PITX3: variants seen among roughly 807,000 people sequenced by gnomAD.
PITX3 encodes paired like homeodomain 3, also known as pituitary homeobox 3.
A neutral mutation model predicts 14.2 loss-of-function variants in PITX3; 4 were observed. That is an observed-to-expected ratio of 0.28 (90% CI 0.14 to 0.65). The LOEUF (loss-of-function observed/expected upper bound fraction) is 0.65. Ranked by LOEUF, PITX3 falls within the 30% of genes least tolerant of loss-of-function variation. The pLI is 0.82. For missense variants in PITX3, 358 were observed against 426.8 expected (o/e 0.84, Z 1.42); for synonymous variants, 194 against 204.5 (o/e 0.95, Z 0.44).
chr10:102,235,290 G>T (rs2070364439), intron 1 of PITX3, among the ~76,000 whole-genome samples: 2 of 151,872 alleles, frequency 1.3e-5, no homozygotes, highest in South Asian at 4.2e-4. Flanking sequence ...TTCTGCACTG[G>T]ATGCTGCTGA....
At chr10:102,236,586 C>T (rs940888519) in intron 1 of PITX3, among the ~76,000 whole-genome samples, 4 of 152,142 alleles carry the variant, frequency 2.6e-5, no homozygotes, top group African/African-American at 9.7e-5. Context: ...ATGAAATATC[C>T]AGGACATATG....
chr10:102,233,899 T>C (rs2070319502), intron 1 of PITX3, among the ~76,000 whole-genome samples: 2 of 152,128 alleles, frequency 1.3e-5, no homozygotes, highest in South Asian at 4.1e-4. Context: ...CAGGGTCCCC[T>C]TTTCTGCCTG....
At chr10:102,232,126 G>A in intron 1 of PITX3, 34 bp from the exon 2 acceptor site, 1 of 1,234,006 alleles carries the variant, frequency 8.1e-7, no homozygotes, top group Non-Finnish European at 1.2e-6. Flanking sequence ...CCAGGGTAAT[G>A]GGGGTAAAAT....
intron 1 of PITX3, among the ~76,000 whole-genome samples, chr10:102,235,925 T>C (rs550523615): frequency 2.6e-5 from 4 of 152,262 alleles, no homozygotes; most frequent in East Asian, 3.9e-4. Flanking sequence ...GGGAGCCACT[T>C]TGGGGACAAG....
chr10:102,234,748 G>T (rs567236702), intron 1 of PITX3, among the ~76,000 whole-genome samples: 48 of 152,266 alleles, frequency 3.2e-4, no homozygotes, highest in African/African-American at 1.1e-3. Context: ...CCAGAGAGGG[G>T]TTTACCTGTG....
intron 1 of PITX3, among the ~76,000 whole-genome samples, chr10:102,236,093 G>A (rs991032658): frequency 6.6e-6 from 1 of 152,204 alleles, no homozygotes; most frequent in Non-Finnish European, 1.5e-5. Flanking sequence ...AAGGGTGGGG[G>A]CATAGACCTC....
At position 102,230,535 on chromosome 10, in the gene PITX3, G is replaced by A; in HGVS notation, c.888C>T (p.Tyr296=). The stretch of plus-strand genomic sequence containing the variant: ...CCGCTCATACGGGCCTTTCCACGGC[G>A]TACTGGCACGGACTAAGGTTGGCTG... The part of the protein sequence containing the change: ...PPAANLSPCQ[Y]AVERPV The change falls in exon 4 of 4, where the codon TAC becomes TAT. Residue 296 remains tyrosine (Y), a synonymous_variant. Transcript: ENST00000370002. 1.9e-6 allele frequency: 3 copies of A among 1,610,196 alleles called. No individual in the cohort carries two copies. Among genetic ancestry groups the A allele is most frequent in the South Asian group, 1.1e-5 (1 of 90,382 alleles).
intron 1 of PITX3, among the ~76,000 whole-genome samples, chr10:102,234,380 T>C (rs2070331257): frequency 1.3e-5 from 2 of 152,086 alleles, no homozygotes; most frequent in Admixed American, 1.3e-4. Context: ...GGACCTTTTA[T>C]TGGGTGTGAA....
At chr10:102,238,443 G>T (rs566575193) in intron 1 of PITX3, among the ~76,000 whole-genome samples, 55 of 152,322 alleles carry the variant, frequency 3.6e-4, no homozygotes, top group African/African-American at 1.2e-3. Context: ...CTGAGCATTT[G>T]GGGAGCTCCC....
rs2070204458 is a variant in PITX3 at position 102,230,628 on chromosome 10, G to A, written c.795C>T (p.Ala265=). Residue 265 remains alanine, a synonymous_variant, in exon 4 of 4, where the codon GCC becomes GCT. Coordinates refer to ENST00000370002, the MANE Select transcript of PITX3 (RefSeq NM_005029.4). ...GCTGTTTGGCTTTGAGCCGCAGGCT[G>A]GCCAGGCTCGAGTTACACGGGTCCC... is the stretch of plus-strand genomic sequence containing the variant. ...VYRDPCNSSL[A]SLRLKAKQHA... The A allele has an allele frequency of 7.5e-6, 12 of 1,607,718 alleles. No homozygotes were observed. Among genetic ancestry groups the A allele is most frequent in the Non-Finnish European group, 1.0e-5 (12 of 1,177,522 alleles).
At position 102,230,883 on chromosome 10, in the gene PITX3, C is replaced by T. The variant is rs1405818508; in HGVS notation, c.540G>A (p.Gly180=). 6.2e-7 allele frequency: 1 copy of T among 1,609,674 alleles called. No individual in the cohort carries two copies. Among genetic ancestry groups the T allele is most frequent in the Non-Finnish European group, 8.5e-7 (1 of 1,178,514 alleles). ...AGAAGACGGGCTGCGAAGCCAGAGG[C>T]CCCACGTTGACCGAGTTGAAGGCGA... is the stretch of plus-strand genomic sequence containing the variant. ...FPFAFNSVNV[G]PLASQPVFSP... Residue 180 remains glycine, a synonymous_variant, in exon 4 of 4, where the codon GGG becomes GGA. Coordinates refer to ENST00000370002, the MANE Select transcript of PITX3 (RefSeq NM_005029.4).
intron 1 of PITX3, among the ~76,000 whole-genome samples, chr10:102,236,267 G>A (rs1357801379): frequency 2.6e-5 from 4 of 152,222 alleles, no homozygotes; most frequent in Admixed American, 1.3e-4. Context: ...TCACTCAGTG[G>A]ATAGGGAAGA....
chr10:102,236,310 T>C (rs1426325322), intron 1 of PITX3, among the ~76,000 whole-genome samples: 1 of 152,106 alleles, frequency 6.6e-6, no homozygotes, highest in Non-Finnish European at 1.5e-5. Context: ...GCAGGATTGG[T>C]TGATGCTAGT....
chr10:102,231,466 GCCAGGGT>G (rs1287900557), intron 3 of PITX3, 115 bp downstream of exon 3: 2 of 674,326 alleles, frequency 3.0e-6, no homozygotes, highest in African/African-American at 1.8e-5. Flanking sequence ...GCGGCCGGGA[GCCAGGGT>G]CCGGGGTCCG....
intron 1 of PITX3, among the ~76,000 whole-genome samples, chr10:102,238,214 A>T (rs2070451789): frequency 6.6e-6 from 1 of 152,120 alleles, no homozygotes; most frequent in Non-Finnish European, 1.5e-5. Flanking sequence ...GACACCCTAG[A>T]CACCCCAAAG....
intron 1 of PITX3, among the ~76,000 whole-genome samples, chr10:102,239,267 G>C (rs925628034): frequency 6.6e-6 from 1 of 152,214 alleles, no homozygotes; most frequent in African/African-American, 2.4e-5. Context: ...GTGGGAAAAG[G>C]TTCTGTCTTT....
intron 1 of PITX3, among the ~76,000 whole-genome samples, chr10:102,234,471 G>C (rs975536816): frequency 3.3e-5 from 5 of 152,150 alleles, no homozygotes; most frequent in East Asian, 3.9e-4. Context: ...TCCCCTTCCA[G>C]GTCGGGTCAG....
chr10:102,237,068 T>C lies in PITX3; in HGVS notation c.-13+4265A>G, dbSNP rs539272384. Among the ~76,000 whole-genome samples the C allele has an allele frequency of 3.3e-5, 5 of 152,360 alleles. No individual in the cohort carries two copies. In the South Asian group the frequency reaches 8.3e-4, roughly 25 times the overall value. On this transcript the variant is annotated intron_variant, in intron 1 of 3. Transcript: ENST00000370002. ...GGGGATCAGAGAAATGACTCCACAGTCTTCCTGCTCTTCCTTGCTTCCTTC... is the reference window on the plus strand; with the variant it reads ...GGGGATCAGAGAAATGACTCCACAGCCTTCCTGCTCTTCCTTGCTTCCTTC...
intron 1 of PITX3, among the ~76,000 whole-genome samples, chr10:102,235,179 A>G (rs61057264): frequency 1.0e-5 from 1 of 97,374 alleles, no homozygotes; most frequent in African/African-American, 4.4e-5. Flanking sequence ...CCCACCCCCC[A>G]CCCCCCCACC....
Sources: allele counts gnomAD v4.1 joint callset (sites outside exome capture counted in the v4.1 genomes callset), GRCh38; gene constraint gnomAD v4.1.1; transcripts MANE v1.5; gene names NCBI Gene and HGNC (gene_info 2026-07-23, HGNC 2026-07-21).